Variants in SEPTIN9 observed in about 807,000 individuals in gnomAD.
The protein encoded by SEPTIN9 is septin 9, also known as septin-9.
A neutral mutation model predicts 56.6 loss-of-function variants in SEPTIN9; 13 were observed. The observed-to-expected ratio is 0.23, with a 90% confidence interval of 0.15 to 0.37. The LOEUF (loss-of-function observed/expected upper bound fraction) is 0.37. Among genes scored for constraint, SEPTIN9 ranks in the 10% least tolerant of loss-of-function variants. The pLI is 1.00. For missense variants in SEPTIN9, 650 were observed against 823.1 expected (o/e 0.79, Z 2.57); for synonymous variants, 332 against 334.1 (o/e 0.99, Z 0.07).
chr17:77,363,311 A>G (rs1006582771), intron 2 of SEPTIN9, among the ~76,000 whole-genome samples: 3 of 150,282 alleles, frequency 2.0e-5, no homozygotes, highest in African/African-American at 7.4e-5. Flanking sequence ...CTCTGACGTG[A>G]TACAATCTCA....
In SEPTIN9 at chr17:77,481,832, C is replaced by G. The variant is rs1050626749; in HGVS notation, c.722-312C>G. 2.1e-5 allele frequency: 9 copies of G among 429,376 alleles called. No individual in the cohort carries two copies. In the Admixed American group the frequency reaches 2.7e-4, roughly 13 times the overall value. 26.6% of individuals were successfully genotyped at this position (429,376 alleles called of 1,614,324 possible). A position where few individuals can be genotyped will look rare whatever the true frequency, so the allele number is the denominator to read the frequency against. ...GACAGGAGTTCAGGGTCAGCCCTGC[C>G]TTGGAGCGCAGGGGGCCCCCAGCTT... On this transcript the variant is annotated intron_variant, in intron 3 of 11. Transcript: ENST00000427177.
Position 77,463,404 on chromosome 17 carries a change from C to T in SEPTIN9, c.722-18740C>T, listed in dbSNP as rs2038570583. 2.0e-5 allele frequency among the ~76,000 whole-genome samples: 3 copies of T among 152,236 alleles called. No homozygotes were observed. The South Asian group carries it at 6.2e-4, about 32-fold the overall frequency. On this transcript the variant is annotated intron_variant, in intron 3 of 11. Coordinates refer to ENST00000427177, the MANE Select transcript of SEPTIN9 (RefSeq NM_001113491.2). ...TCACCAGCAGTGCTTGTGGCTGCAG[C>T]GTTCACCCCAAGATAAATTTGCCGG...
At position 77,371,943 on chromosome 17, in the gene SEPTIN9, GC is replaced by G. The variant is rs1321637523; in HGVS notation, c.77-30110del. On this transcript the variant is annotated intron_variant, in intron 2 of 11. Coordinates refer to ENST00000427177, the MANE Select transcript of SEPTIN9 (RefSeq NM_001113491.2). The surrounding 1 kb of genome is among the most constrained non-coding windows in gnomAD (Gnocchi z 4.1). ...GAACATTTTCCGCAAGAGACCCCCT[GC>G]CCCCCGCCTCTCCAGAATGGCTGGA... is the stretch of plus-strand genomic sequence containing the variant. 1.3e-5 allele frequency among the ~76,000 whole-genome samples: 2 copies of G among 152,098 alleles called. No individual in the cohort carries two copies. Among genetic ancestry groups the G allele is most frequent in the Admixed American group, 6.5e-5 (1 of 15,276 alleles).
chr17:77,488,148 C>A, intron 5 of SEPTIN9, 92 bp from the exon 6 acceptor site: 1 of 1,170,976 alleles, frequency 8.5e-7, no homozygotes, highest in Non-Finnish European at 1.3e-6. Context: ...TCATCGCTGC[C>A]TACCTGGGGT....
At chr17:77,467,066 G>A (rs913826215) in intron 3 of SEPTIN9, among the ~76,000 whole-genome samples, 2 of 152,160 alleles carry the variant, frequency 1.3e-5, no homozygotes, top group African/African-American at 2.4e-5. Flanking sequence ...GCCGGTTCCC[G>A]AATCACTCTT....
At position 77,475,969 on chromosome 17, in the gene SEPTIN9, G is replaced by T; in HGVS notation, c.722-6175G>T. 6.5e-7 allele frequency: 1 copy of T among 1,527,458 alleles called. No homozygotes were observed. 94.6% of individuals were successfully genotyped at this position (1,527,458 alleles called of 1,614,324 possible). A position where few individuals can be genotyped will look rare whatever the true frequency, so the allele number is the denominator to read the frequency against. On this transcript the variant is annotated intron_variant, in intron 3 of 11. Coordinates refer to ENST00000427177, the MANE Select transcript of SEPTIN9 (RefSeq NM_001113491.2). This position sits in a 1 kb window ranked among gnomAD's most constrained non-coding sequence, Gnocchi z 4.6. ...CCAGGTGTGGGTTGGGTTTGGGGAA[G>T]ACAGGGGAATGGCATTGACTTGACC...
At position 77,310,082 on chromosome 17, in the gene SEPTIN9, G is replaced by C. The variant is rs923132256; in HGVS notation, c.76+2885G>C. Among the ~76,000 whole-genome samples, 3 of 151,950 alleles carry C rather than the reference G, an allele frequency of 2.0e-5. No individual in the cohort carries two copies. The highest frequency in any genetic ancestry group is 4.4e-5 in the Non-Finnish European group (3 of 67,992). On this transcript the variant is annotated intron_variant, in intron 2 of 11. Coordinates refer to ENST00000427177, the MANE Select transcript of SEPTIN9 (RefSeq NM_001113491.2). This position sits in a 1 kb window ranked among gnomAD's most constrained non-coding sequence, Gnocchi z 4.7. ...CAACCTCTGCCTCCTGGGTTCAAGC[G>C]ATTCTTCTGCCTCAGCCTCCTCAGT...
chr17:77,398,947 A>C (rs1205426715), intron 2 of SEPTIN9, among the ~76,000 whole-genome samples: 1 of 152,160 alleles, frequency 6.6e-6, no homozygotes, highest in African/African-American at 2.4e-5. Flanking sequence ...GGAGGGACCC[A>C]TCCATGAAAA....
chr17:77,332,366 A>G (rs189926862), intron 2 of SEPTIN9, among the ~76,000 whole-genome samples: 1 of 152,244 alleles, frequency 6.6e-6, no homozygotes, highest in African/African-American at 2.4e-5. Context: ...TTCCACAGCA[A>G]CCATTTTGCT....
Position 77,341,723 on chromosome 17 carries a change from C to T in SEPTIN9, c.76+34526C>T, listed in dbSNP as rs1485210583. Among the ~76,000 whole-genome samples the T allele has an allele frequency of 1.2e-4, 17 of 140,018 alleles. 1 individual carries two copies. The highest frequency in any genetic ancestry group is 1.8e-4 in the Non-Finnish European group (12 of 66,118). 91.9% of individuals were successfully genotyped at this position (140,018 alleles called of 152,430 possible). The stretch of plus-strand genomic sequence containing the variant: ...CTGGGAGGTGGAGGTTGCAGTGAGC[C>T]GAGATCACACCACTGCACTCCACTG... On this transcript the variant is annotated intron_variant, in intron 2 of 11. Coordinates refer to ENST00000427177, the MANE Select transcript of SEPTIN9 (RefSeq NM_001113491.2).
At chr17:77,477,937 G>A (rs1030632401) in intron 3 of SEPTIN9, among the ~76,000 whole-genome samples, 6 of 152,170 alleles carry the variant, frequency 3.9e-5, no homozygotes, top group Admixed American at 2.0e-4. Context: ...AACCGTGTTC[G>A]TAGCAGGGCG....
chr17:77,475,161 G>A lies in SEPTIN9; in HGVS notation c.722-6983G>A. 1.8e-6 allele frequency: 2 copies of A among 1,095,442 alleles called. No homozygotes were observed. The highest frequency in any genetic ancestry group is 8.6e-5 in the East Asian group (2 of 23,346). 67.9% of individuals were successfully genotyped at this position (1,095,442 alleles called of 1,614,324 possible). A position where few individuals can be genotyped will look rare whatever the true frequency, so the allele number is the denominator to read the frequency against. On this transcript the variant is annotated intron_variant, in intron 3 of 11. Transcript: ENST00000427177. This position sits in a 1 kb window ranked among gnomAD's most constrained non-coding sequence, Gnocchi z 4.6. Reference sequence around the variant, plus strand: ...GCTCTGAAGAAAGCCGGGCTGGGGTGAGCGTGATGGATGAGGTGTCTGGCT... The same window carrying A: ...GCTCTGAAGAAAGCCGGGCTGGGGTAAGCGTGATGGATGAGGTGTCTGGCT...
chr17:77,381,838 C>T (rs1182919334), intron 2 of SEPTIN9, among the ~76,000 whole-genome samples: 2 of 152,138 alleles, frequency 1.3e-5, no homozygotes, highest in Admixed American at 1.3e-4. Flanking sequence ...ATCCAACAGC[C>T]ATCCATGGGT....
chr17:77,498,414 GT>G, intron 11 of SEPTIN9, 108 bp from the exon 12 acceptor site: 5 of 707,418 alleles, frequency 7.1e-6, no homozygotes, highest in East Asian at 2.7e-5. Context: ...GGGAGTGGGG[GT>G]GGGGGCAGGC....
chr17:77,378,746 T>C (rs910015717), intron 2 of SEPTIN9, among the ~76,000 whole-genome samples: 1 of 152,108 alleles, frequency 6.6e-6, no homozygotes, highest in African/African-American at 2.4e-5. Context: ...GGACCCCCCT[T>C]TTCCTGCCTG....
chr17:77,482,102 A>G, intron 3 of SEPTIN9, 42 bp from the exon 4 acceptor site: 2 of 1,510,844 alleles, frequency 1.3e-6, no homozygotes, highest in Non-Finnish European at 1.8e-6. Context: ...CCTGTGTGTG[A>G]GCCCCTGTTC....
Position 77,421,843 on chromosome 17 carries a change from C to G in SEPTIN9, c.721+19140C>G, listed in dbSNP as rs1056517664. On this transcript the variant is annotated intron_variant, in intron 3 of 11. Transcript: ENST00000427177. This position sits in a 1 kb window ranked among gnomAD's most constrained non-coding sequence, Gnocchi z 4.6. Reference sequence around the variant, plus strand: ...CACCCTGGCCGAAGGTTCTGCTAAGCTCCATGGAGTGTAGGGATTTTTTTT... The same window carrying G: ...CACCCTGGCCGAAGGTTCTGCTAAGGTCCATGGAGTGTAGGGATTTTTTTT... Among the ~76,000 whole-genome samples, 1 of 152,090 alleles carries G rather than the reference C, an allele frequency of 6.6e-6. No individual in the cohort carries two copies. The highest frequency in any genetic ancestry group is 1.5e-5 in the Non-Finnish European group (1 of 68,020).
intron 3 of SEPTIN9, among the ~76,000 whole-genome samples, chr17:77,463,350 C>T (rs945720244): frequency 6.6e-6 from 1 of 152,212 alleles, no homozygotes; most frequent in Non-Finnish European, 1.5e-5. Context: ...CTCCTGATTG[C>T]ACCCTTTTCC....
In SEPTIN9 at chr17:77,436,563, G is replaced by A. The variant is rs1438075143; in HGVS notation, c.721+33860G>A. On this transcript the variant is annotated intron_variant, in intron 3 of 11. Coordinates refer to ENST00000427177, the MANE Select transcript of SEPTIN9 (RefSeq NM_001113491.2). The surrounding 1 kb of genome is among the most constrained non-coding windows in gnomAD (Gnocchi z 4.4). ...CTTTGCCATGGGCCCCCTCCTCCAC[G>A]CAGACCCTCAGCCTGGAATGATCAG... Among the ~76,000 whole-genome samples, 1 of 152,182 alleles carries A rather than the reference G, an allele frequency of 6.6e-6. No individual in the cohort carries two copies. The highest frequency in any genetic ancestry group is 1.5e-5 in the Non-Finnish European group (1 of 68,028).
Sources: gnomAD v4.1 joint callset for allele counts (sites outside exome capture counted in the v4.1 genomes callset) on GRCh38, gnomAD v4.1.1 for gene constraint, Gnocchi (gnomAD v3.1) non-coding constraint, MANE v1.5 for transcripts, NCBI Gene and HGNC (gene_info 2026-07-23, HGNC 2026-07-21) for gene names.